NFIB: variants seen among roughly 807,000 people sequenced by gnomAD.
NFIB encodes the protein nuclear factor I B, also known as nuclear factor 1 B-type.
NFIB carries 11 observed loss-of-function variants against 61.5 expected under a neutral mutation model. The observed-to-expected ratio is 0.18, with a 90% confidence interval of 0.11 to 0.30. The LOEUF (loss-of-function observed/expected upper bound fraction) is 0.30, where lower values mean the gene tolerates loss of function less well. NFIB is among the 10% of genes least tolerant of loss of function. NFIB has a pLI of 1.00. For synonymous variants in NFIB, 260 were observed against 216.5 expected (o/e 1.20, Z -1.76); for missense variants, 471 against 608.9 (o/e 0.77, Z 2.38).
chr9:14,212,756 T>C (rs1332515347), intron 2 of NFIB, among the ~76,000 whole-genome samples: 2 of 152,226 alleles, frequency 1.3e-5, no homozygotes, highest in African/African-American at 2.4e-5. Flanking sequence ...CTCACACTTA[T>C]AATGCTTTAA....
At chr9:14,354,786 G>C (rs1479462352) in intron 1 of NFIB, among the ~76,000 whole-genome samples, 4 of 103,392 alleles carry the variant, frequency 3.9e-5, no homozygotes, top group Non-Finnish European at 8.9e-5. Flanking sequence ...TACTCTGTGT[G>C]TGTGTGTGTG....
intron 10 of NFIB, among the ~76,000 whole-genome samples, chr9:14,090,722 C>T (rs938524622): frequency 2.0e-5 from 3 of 152,020 alleles, no homozygotes; most frequent in Non-Finnish European, 4.4e-5. Context: ...TGTCAACAAG[C>T]AGCAAATTGC....
intron 2 of NFIB, among the ~76,000 whole-genome samples, chr9:14,293,198 A>G (rs961448566): frequency 6.6e-6 from 1 of 152,210 alleles, no homozygotes; most frequent in Non-Finnish European, 1.5e-5. Flanking sequence ...AATATTGCCC[A>G]TAACTATTAC....
chr9:14,133,981 C>A (rs1167694076), intron 6 of NFIB, among the ~76,000 whole-genome samples: 1 of 152,096 alleles, frequency 6.6e-6, no homozygotes, highest in Non-Finnish European at 1.5e-5. Flanking sequence ...TTGTACAATC[C>A]TTTGTACAAT....
At chr9:14,215,728 TTCCTCTGTAA>T (rs1212130995) in intron 2 of NFIB, among the ~76,000 whole-genome samples, 1 of 152,216 alleles carries the variant, frequency 6.6e-6, no homozygotes, top group Non-Finnish European at 1.5e-5. Context: ...TATGCATAAC[TTCCTCTGTAA>T]TACTCCAATT....
At chr9:14,275,597 G>A (rs767752322) in intron 2 of NFIB, among the ~76,000 whole-genome samples, 3 of 152,040 alleles carry the variant, frequency 2.0e-5, no homozygotes, top group Non-Finnish European at 2.9e-5. Flanking sequence ...ATCACACCCA[G>A]GGGCTTATAT....
rs571876599 is a variant in NFIB at position 14,240,658 on chromosome 9, C to T, written c.563-60878G>A. On this transcript the variant is annotated intron_variant, in intron 2 of 10. Transcript: ENST00000380953. ...GCAAAGTATAGTAACAGCCCTATCTCGTTACAAACACTTGGCAGCATGTCT... is the reference window on the plus strand; with the variant it reads ...GCAAAGTATAGTAACAGCCCTATCTTGTTACAAACACTTGGCAGCATGTCT... Among the ~76,000 whole-genome samples the T allele has an allele frequency of 2.2e-4, 34 of 152,284 alleles. No individual in the cohort carries two copies. In the South Asian group the frequency reaches 2.7e-3, roughly 12 times the overall value.
Position 14,120,351 on chromosome 9 carries a change from G to C in NFIB, c.1245+89C>G. 8 of 1,390,514 alleles carry C rather than the reference G, an allele frequency of 5.8e-6. No individual in the cohort carries two copies. Among genetic ancestry groups the C allele is most frequent in the Non-Finnish European group, 8.2e-6 (8 of 981,060 alleles). The allele number at this position is 1,390,514 out of a possible 1,614,324, so 86.1% of individuals were successfully genotyped here. A position where few individuals can be genotyped will look rare whatever the true frequency, so the allele number is the denominator to read the frequency against. ...GATTTCAAGGCTTGACGTTCTGCCAGACACACTGTCTGACTAACCTTTGTG... is the reference window on the plus strand; with the variant it reads ...GATTTCAAGGCTTGACGTTCTGCCACACACACTGTCTGACTAACCTTTGTG... On this transcript the variant is annotated intron_variant, in intron 8 of 10. Transcript: ENST00000380953. The surrounding 1 kb of genome is among the most constrained non-coding windows in gnomAD (Gnocchi z 4.4).
At chr9:14,244,396 C>T (rs1027332700) in intron 2 of NFIB, among the ~76,000 whole-genome samples, 1 of 152,162 alleles carries the variant, frequency 6.6e-6, no homozygotes, top group Non-Finnish European at 1.5e-5. Context: ...CTAATACATT[C>T]TGAATCTGCT....
At chr9:14,508,560 T>C in the NFIB span, among the ~76,000 whole-genome samples, 1 of 152,228 alleles carries the variant, frequency 6.6e-6, no homozygotes, top group African/African-American at 2.4e-5. Context: ...TGACATAAAG[T>C]CCAGGAACCA....
chr9:14,377,896 C>A (rs1016832413), intron 1 of NFIB, among the ~76,000 whole-genome samples: 29 of 152,310 alleles, frequency 1.9e-4, no homozygotes, highest in African/African-American at 6.7e-4. Context: ...CCACTTACGC[C>A]TATTTTCCTA....
chr9:14,154,909 G>C (rs2043229256), intron 4 of NFIB, among the ~76,000 whole-genome samples: 3 of 152,066 alleles, frequency 2.0e-5, no homozygotes, highest in South Asian at 2.1e-4. Context: ...ATTACTCTTT[G>C]TTCTTTCTGG....
chr9:14,313,804 T>C lies in NFIB; in HGVS notation c.-293A>G, dbSNP rs1251350069. The stretch of plus-strand genomic sequence containing the variant: ...GCCGAGGCCGCCGCCGCCGCCGGTG[T>C]TGGCTGCTTTTCGCCTGGGTTTGGG... On this transcript the variant is annotated 5_prime_UTR_variant, in exon 1 of 11. Coordinates refer to ENST00000380953, the MANE Select transcript of NFIB (RefSeq NM_001190737.2). The surrounding 1 kb of genome is among the most constrained non-coding windows in gnomAD (Gnocchi z 4.5). 6 of 1,329,066 alleles carry C rather than the reference T, an allele frequency of 4.5e-6. No homozygotes were observed. The highest frequency in any genetic ancestry group is 5.8e-6 in the Non-Finnish European group (6 of 1,039,680). The allele number at this position is 1,329,066 out of a possible 1,614,324, so 82.3% of individuals were successfully genotyped here.
At chr9:14,102,575 G>A in intron 10 of NFIB, 1 of 1,322,044 alleles carries the variant, frequency 7.6e-7, no homozygotes, top group Admixed American at 2.0e-5. Flanking sequence ...GTATTTAAAT[G>A]AACACATGCA....
chr9:14,494,588 G>A, the NFIB span, among the ~76,000 whole-genome samples: 1 of 152,334 alleles, frequency 6.6e-6, no homozygotes, highest in South Asian at 2.1e-4. Context: ...TTGTCATAGA[G>A]TGTATTTCCA....
intron 2 of NFIB, among the ~76,000 whole-genome samples, chr9:14,211,613 G>A (rs955926061): frequency 6.6e-5 from 10 of 152,234 alleles, no homozygotes; most frequent in Non-Finnish European, 1.3e-4. Flanking sequence ...TCCAGAGCCA[G>A]GGACAAAACA....
At chr9:14,396,442 C>T (rs1474976231) in intron 1 of NFIB, among the ~76,000 whole-genome samples, 1 of 152,120 alleles carries the variant, frequency 6.6e-6, no homozygotes, top group Non-Finnish European at 1.5e-5. Context: ...TCCATTGAGT[C>T]AGCCGTCCTC....
chr9:14,427,937 G>GTTGTTTTT, the NFIB span, among the ~76,000 whole-genome samples: 6 of 43,384 alleles, frequency 1.4e-4, no homozygotes, highest in East Asian at 1.6e-3. Context: ...TAATTCAGTT[G>GTTGTTTTT]TTTTTTTTTT....
At chr9:14,367,318 G>C (rs1484429097) in intron 1 of NFIB, among the ~76,000 whole-genome samples, 4 of 152,020 alleles carry the variant, frequency 2.6e-5, no homozygotes, top group African/African-American at 9.7e-5. Context: ...ATATGGAAAG[G>C]CTAGGAAAGG....
Sources: gnomAD v4.1 joint callset for allele counts (sites outside exome capture counted in the v4.1 genomes callset) on GRCh38, gnomAD v4.1.1 for gene constraint, Gnocchi (gnomAD v3.1) non-coding constraint, MANE v1.5 for transcripts, NCBI Gene and HGNC (gene_info 2026-07-23, HGNC 2026-07-21) for gene names.